The following LILRB2 variants were observed in gnomAD, a reference collection of about 807,000 sequenced individuals.
LILRB2 encodes the protein leukocyte immunoglobulin like receptor B2.
In LILRB2, 47 loss-of-function variants were observed where a neutral mutation model predicts 72.7. The ratio of observed to expected loss-of-function variants is 0.65; its 90% confidence interval spans 0.51 to 0.82. LILRB2 has a LOEUF of 0.82. Ranked by LOEUF, LILRB2 falls within the 40% of genes least tolerant of loss-of-function variation. LILRB2 has a pLI of 0.00. For synonymous variants in LILRB2, 279 were observed against 313.7 expected (o/e 0.89, Z 1.17); for missense variants, 767 against 764.8 (o/e 1.00, Z -0.03).
rs4078806 is a variant in LILRB2, at chr19:54,276,310, G to A, written c.1557-9C>T. On this transcript the variant is annotated splice_polypyrimidine_tract_variant and intron_variant, in intron 11 of 13. Coordinates refer to ENST00000314446, the MANE Select transcript of LILRB2 (RefSeq NM_001080978.4). ...CGGCAGCTGGGCTGGACCTGGGGGA[G>A]GAATGGGAGCTTTAGGGGCAGTGTA... 6,296 of 1,611,608 alleles carry A rather than the reference G, an allele frequency of 3.9e-3. 28 individuals are homozygous for A. Among genetic ancestry groups the A allele is most frequent in the African/African-American group, 6.5e-3 (485 of 74,078 alleles).
Position 54,279,969 on chromosome 19 carries a change from A to G in LILRB2, c.177T>C (p.Arg59=), listed in dbSNP as rs2080472924. ...ATGCTGATTTTTTCTCCCTATATAGACGGTACTCCTGGGCTTCAAGGCTCC... is the reference window on the plus strand; with the variant it reads ...ATGCTGATTTTTTCTCCCTATATAGGCGGTACTCCTGGGCTTCAAGGCTCC... The part of the protein sequence containing the change: ...CQGSLEAQEY[R]LYREKKSASW... The change falls in exon 4 of 14, where the codon CGT becomes CGC. Residue 59 remains arginine (R), a synonymous_variant. Transcript: ENST00000314446. 2 of 1,614,010 alleles carry G rather than the reference A, an allele frequency of 1.2e-6. No individual in the cohort carries two copies. The highest frequency in any genetic ancestry group is 1.7e-6 in the Non-Finnish European group (2 of 1,179,968).
Position 54,279,788 on chromosome 19 carries a change from C to T in LILRB2, c.355+3G>A, listed in dbSNP as rs200175623. 2.1e-4 allele frequency: 344 copies of T among 1,614,014 alleles called. 3 individuals are homozygous for T. In the South Asian group the frequency reaches 3.6e-3, roughly 17 times the overall value. ...GGGCTGGGATCCCTGAGTGTCCTCTCACCTGTCATCACCAGCACCAGGGGG... is the reference window on the plus strand; with the variant it reads ...GGGCTGGGATCCCTGAGTGTCCTCTTACCTGTCATCACCAGCACCAGGGGG... On this transcript the variant is annotated splice_donor_region_variant and intron_variant, in intron 4 of 13. Coordinates refer to ENST00000314446, the MANE Select transcript of LILRB2 (RefSeq NM_001080978.4).
At chr19:54,279,763 G>A (rs1365520146) in intron 4 of LILRB2, 28 bp downstream of exon 4, 2 of 1,612,840 alleles carry the variant, frequency 1.2e-6, no homozygotes, top group Admixed American at 3.3e-5. Flanking sequence ...GCAGAGCCTG[G>A]GGCTGGGATC....
rs2080117639 is a variant in LILRB2 at position 54,274,400 on chromosome 19, T to C, written c.*283A>G. On this transcript the variant is annotated 3_prime_UTR_variant, in exon 14 of 14. Transcript: ENST00000314446. The stretch of plus-strand genomic sequence containing the variant: ...ATTTCATTGTGTGATGTGTAATATT[T>C]ATATTGTGATTCAGTTTAAAGCACA... 2.1e-6 allele frequency: 1 copy of C among 479,758 alleles called. No individual in the cohort carries two copies. The highest frequency in any genetic ancestry group is 1.9e-5 in the African/African-American group (1 of 52,368). 29.7% of individuals were successfully genotyped at this position (479,758 alleles called of 1,614,324 possible).
chr19:54,274,740 G>C lies in LILRB2; in HGVS notation c.1737C>G (p.Ser579=). The C allele has an allele frequency of 6.2e-7, 1 of 1,613,996 alleles. No individual in the cohort carries two copies. The highest frequency in any genetic ancestry group is 8.5e-7 in the Non-Finnish European group (1 of 1,180,008). The part of the protein sequence containing the change: ...LRRKATEPPP[S]QEREPPAEPS... ...GCTCAGCTGGAGGTTCCCTTTCCTG[G>C]GATGGAGGAGGCTCAGTTGCCTTCC... The change falls in exon 14 of 14, where the codon TCC becomes TCG. Residue 579 remains serine, a synonymous_variant. Coordinates refer to ENST00000314446, the MANE Select transcript of LILRB2 (RefSeq NM_001080978.4).
At position 54,281,077 on chromosome 19, in the gene LILRB2, G is replaced by T; in HGVS notation, c.-165C>A. 2.2e-6 allele frequency: 1 copy of T among 446,426 alleles called. No homozygotes were observed. Among genetic ancestry groups the T allele is most frequent in the African/African-American group, 2.0e-5 (1 of 49,844 alleles). The allele number at this position is 446,426 out of a possible 1,614,324, so 27.7% of individuals were successfully genotyped here. A position where few individuals can be genotyped will look rare whatever the true frequency, so the allele number is the denominator to read the frequency against. ...CCTCTGGCTGTGCTGTCCAGGTTGA[G>T]CTGTGTGTGGCAGTGAGCACAGAGG... On this transcript the variant is annotated 5_prime_UTR_variant, in exon 1 of 14. Transcript: ENST00000314446.
At position 54,279,141 on chromosome 19, in the gene LILRB2, G is replaced by A. The variant is rs562040737; in HGVS notation, c.659-33C>T. The stretch of plus-strand genomic sequence containing the variant: ...AAGGTGCTCATGGTTTCCAGGAGCC[G>A]ACCCTCAGGCTTCCCCACAAACCCT... On this transcript the variant is annotated intron_variant, in intron 5 of 13. Coordinates refer to ENST00000314446, the MANE Select transcript of LILRB2 (RefSeq NM_001080978.4). 4.6e-5 allele frequency: 74 copies of A among 1,594,942 alleles called. No individual in the cohort carries two copies. In the East Asian group the frequency reaches 7.4e-4, roughly 16 times the overall value.
Position 54,279,607 on chromosome 19 carries a change from A to G in LILRB2, c.396T>C (p.Pro132=), listed in dbSNP as rs773629375. ...PKPTLSAQPS[P]VVTSGGRVTL... ...TCACCCTTCCTCCTGAGGTCACCAC[A>G]GGGCTGGGCTGGGCTGAGAGGGTGG... The change falls in exon 5 of 14, where the codon CCT becomes CCC. Residue 132 remains proline (P), a synonymous_variant. Transcript: ENST00000314446. 10 of 1,613,896 alleles carry G rather than the reference A, an allele frequency of 6.2e-6. No homozygotes were observed. The highest frequency in any genetic ancestry group is 1.6e-4 in the Middle Eastern group (1 of 6,084).
rs772568213 is a variant in LILRB2 at position 54,276,844 on chromosome 19, G to A, written c.1443C>T (p.Ile481=). The change falls in exon 10 of 14, where the codon ATC becomes ATT. Residue 481 remains isoleucine, a synonymous_variant. Coordinates refer to ENST00000314446, the MANE Select transcript of LILRB2 (RefSeq NM_001080978.4). The part of the protein sequence containing the change: ...LLLLLLLLFL[I]LRHRRQGKHW... ...GTTTGCCCTGACGTCGATGTCGGAG[G>A]ATGAGGAAGAGGAGGAGGAGGAGGA... 3.1e-6 allele frequency: 5 copies of A among 1,614,050 alleles called. No homozygotes were observed. The highest frequency in any genetic ancestry group is 1.7e-4 in the Middle Eastern group (1 of 6,060).
chr19:54,280,777 T>A lies in LILRB2; in HGVS notation c.-49+184A>T. The A allele has an allele frequency of 9.1e-6, 7 of 768,588 alleles. No homozygotes were observed. In the South Asian group the frequency reaches 1.1e-4, roughly 13 times the overall value. The allele number at this position is 768,588 out of a possible 1,614,324, so 47.6% of individuals were successfully genotyped here. ...GGGGTCTTTCCTGACCCCCAGCCACTGTCTGTCTGGTTTCTCCTCGTCTCA... is the reference window on the plus strand; with the variant it reads ...GGGGTCTTTCCTGACCCCCAGCCACAGTCTGTCTGGTTTCTCCTCGTCTCA... On this transcript the variant is annotated intron_variant, in intron 1 of 13. Transcript: ENST00000314446.
chr19:54,278,171 G>T, intron 7 of LILRB2, 89 bp downstream of exon 7: 5 of 1,543,200 alleles, frequency 3.2e-6, no homozygotes, highest in Admixed American at 1.8e-5. Context: ...TCAGACCCCC[G>T]CTCACTCCAT....
intron 7 of LILRB2, 151 bp downstream of exon 7, chr19:54,278,109 C>T (rs1212951566): frequency 1.2e-5 from 14 of 1,206,940 alleles, no homozygotes; most frequent in South Asian, 7.5e-5. Context: ...CCTGGGAGGG[C>T]CTGTTGTCCT....
chr19:54,276,069 C>T, intron 12 of LILRB2, 66 bp from the exon 13 acceptor site: 1 of 1,594,278 alleles, frequency 6.3e-7, no homozygotes. Context: ...GTCCTGCCAG[C>T]CCCTGCCCTG....
At chr19:54,275,055 A>G (rs117474097) in intron 13 of LILRB2, 41,116 of 1,602,626 alleles carry the variant, frequency 0.026, 729 homozygotes, top group Middle Eastern at 0.054. Flanking sequence ...GGTCTTCATC[A>G]TGTGGGCTCT....
At chr19:54,278,701 C>G in intron 6 of LILRB2, 111 bp downstream of exon 6, 4 of 1,480,448 alleles carry the variant, frequency 2.7e-6, no homozygotes, top group Non-Finnish European at 1.8e-6. Context: ...CTCTCTGTCT[C>G]TCCCTCCCTT....
At chr19:54,280,144 A>G (rs1383262683) in intron 3 of LILRB2, 69 bp from the exon 4 acceptor site, 7 of 1,608,538 alleles carry the variant, frequency 4.4e-6, no homozygotes, top group Non-Finnish European at 5.1e-6. Context: ...TCAGCCCAGG[A>G]CCCTCCAGAT....
chr19:54,277,433 C>T, intron 9 of LILRB2, 117 bp downstream of exon 9: 1 of 1,457,316 alleles, frequency 6.9e-7, no homozygotes. Flanking sequence ...AACTGAGGCC[C>T]AGGCAGGGGA....
Position 54,279,966 on chromosome 19 carries a change from T to C in LILRB2, c.180A>G (p.Leu60=), listed in dbSNP as rs148050664. ...AAGATGCTGATTTTTTCTCCCTATA[T>C]AGACGGTACTCCTGGGCTTCAAGGC... ...QGSLEAQEYR[L]YREKKSASWI... Residue 60 remains leucine, a synonymous_variant, in exon 4 of 14, where the codon CTA becomes CTG. Coordinates refer to ENST00000314446, the MANE Select transcript of LILRB2 (RefSeq NM_001080978.4). 7.4e-5 allele frequency: 120 copies of C among 1,613,988 alleles called. No homozygotes were observed. Among genetic ancestry groups the C allele is most frequent in the African/African-American group, 1.2e-4 (9 of 74,912 alleles).
chr19:54,277,039 C>T (rs190321924), intron 9 of LILRB2, 110 bp from the exon 10 acceptor site: 20 of 1,521,444 alleles, frequency 1.3e-5, no homozygotes, highest in East Asian at 7.4e-5. Context: ...CCACAACAGT[C>T]GTGCAGCACA....
Sources: gnomAD v4.1 joint callset for allele counts on GRCh38, gnomAD v4.1.1 for gene constraint, MANE v1.5 for transcripts, NCBI Gene and HGNC (gene_info 2026-07-23, HGNC 2026-07-21) for gene names.